FNBP1: variants seen among roughly 807,000 people sequenced by gnomAD.
FNBP1 encodes the protein formin-binding protein 1.
In FNBP1, 26 loss-of-function variants were observed where a neutral mutation model predicts 90.6. That is an observed-to-expected ratio of 0.29 (90% CI 0.21 to 0.40). FNBP1 has a LOEUF of 0.40. Among genes scored for constraint, FNBP1 ranks in the 10% least tolerant of loss-of-function variants. FNBP1 has a pLI of 1.00. For missense variants in FNBP1, 635 were observed against 768.0 expected, an observed-to-expected ratio of 0.83 and a Z score of 2.05; for synonymous variants, 260 against 265.2, an observed-to-expected ratio of 0.98 and a Z score of 0.19.
intron 4 of FNBP1, among the ~76,000 whole-genome samples, chr9:129,974,523 C>T (rs1424135501): frequency 6.6e-6 from 1 of 152,174 alleles, no homozygotes; most frequent in Non-Finnish European, 1.5e-5. Context: ...AATGCTAATT[C>T]ATCATTTACT....
chr9:130,011,816 T>C (rs2056643146), intron 1 of FNBP1, among the ~76,000 whole-genome samples: 1 of 152,216 alleles, frequency 6.6e-6, no homozygotes, highest in Non-Finnish European at 1.5e-5. Context: ...TGGAAGGCCA[T>C]ATATTATAGA....
At chr9:129,917,438 T>A (rs1225712553) in intron 10 of FNBP1, among the ~76,000 whole-genome samples, 2 of 151,986 alleles carry the variant, frequency 1.3e-5, no homozygotes, top group Non-Finnish European at 2.9e-5. Flanking sequence ...GCTCAAATGA[T>A]CCTCGCACCT....
chr9:129,900,388 C>A lies in FNBP1; in HGVS notation c.1550+38G>T. The A allele has an allele frequency of 6.7e-7, 1 of 1,491,952 alleles. No individual in the cohort carries two copies. Among genetic ancestry groups the A allele is most frequent in the Non-Finnish European group, 8.9e-7 (1 of 1,121,466 alleles). 92.4% of individuals were successfully genotyped at this position (1,491,952 alleles called of 1,614,324 possible). A position where few individuals can be genotyped will look rare whatever the true frequency, so the allele number is the denominator to read the frequency against. ...TAGAAATAAATACAAAGCCAACAGG[C>A]TCCCTTGCCAGAGGCAGGCGCTGTG... On this transcript the variant is annotated intron_variant, in intron 14 of 16. Transcript: ENST00000446176. The surrounding 1 kb of genome is among the most constrained non-coding windows in gnomAD (Gnocchi z 4.1).
At chr9:130,012,130 T>C (rs921191977) in intron 1 of FNBP1, among the ~76,000 whole-genome samples, 1 of 152,210 alleles carries the variant, frequency 6.6e-6, no homozygotes, top group African/African-American at 2.4e-5. Flanking sequence ...GATGTAGCCA[T>C]GTAGAAAAGA....
chr9:129,987,689 C>T (rs559499676), intron 2 of FNBP1, among the ~76,000 whole-genome samples: 54 of 151,914 alleles, frequency 3.6e-4, no homozygotes, highest in Middle Eastern at 3.4e-3. Context: ...AGTAGAGAGA[C>T]GGGGTTTCAC....
intron 4 of FNBP1, among the ~76,000 whole-genome samples, chr9:129,967,439 C>T (rs561288281): frequency 2.0e-5 from 3 of 152,184 alleles, no homozygotes; most frequent in African/African-American, 7.2e-5. Flanking sequence ...TGGCTTGAAC[C>T]GGGAGGCGGA....
intron 16 of FNBP1, chr9:129,895,260 C>A (rs997273379): frequency 5.2e-5 from 55 of 1,056,990 alleles, no homozygotes; most frequent in Admixed American, 1.1e-4. Context: ...AAAACACACA[C>A]TTTTGGTGCC....
chr9:129,957,960 C>T lies in FNBP1; in HGVS notation c.409-496G>A, dbSNP rs965367592. 9.9e-5 allele frequency among the ~76,000 whole-genome samples: 15 copies of T among 152,088 alleles called. No individual in the cohort carries two copies. Among genetic ancestry groups the T allele is most frequent in the African/African-American group, 2.2e-4 (9 of 41,422 alleles). On this transcript the variant is annotated intron_variant, in intron 5 of 16. Transcript: ENST00000446176. The surrounding 1 kb of genome is among the most constrained non-coding windows in gnomAD (Gnocchi z 4.3). ...AACTGTCTAATCTTTATTATTTCCACGTGACTTTTAGAAAAATACTCAACT... is the reference window on the plus strand; with the variant it reads ...AACTGTCTAATCTTTATTATTTCCATGTGACTTTTAGAAAAATACTCAACT...
chr9:129,953,280 G>GT (rs1186667012), intron 6 of FNBP1, among the ~76,000 whole-genome samples: 3 of 152,080 alleles, frequency 2.0e-5, no homozygotes, highest in Non-Finnish European at 4.4e-5. Flanking sequence ...CAGGTCAGGA[G>GT]TTTGAGACCA....
chr9:129,940,731 A>C (rs2044199996), intron 6 of FNBP1, among the ~76,000 whole-genome samples: 1 of 151,956 alleles, frequency 6.6e-6, no homozygotes, highest in Admixed American at 6.6e-5. Context: ...GGTTCAAGCG[A>C]TTCTCCTGCC....
intron 4 of FNBP1, among the ~76,000 whole-genome samples, chr9:129,977,512 G>A (rs9299327): frequency 0.97 from 145,457 of 150,042 alleles, 70,673 homozygotes; most frequent in East Asian, 1. Flanking sequence ...TCTTTTTGAG[G>A]TGGAGTTTTG....
chr9:130,011,321 GAAAC>G (rs1311581601), intron 1 of FNBP1, among the ~76,000 whole-genome samples: 10 of 127,464 alleles, frequency 7.8e-5, no homozygotes, highest in African/African-American at 2.6e-4. Context: ...CAAGTAGACA[GAAAC>G]AAACATAATA....
intron 3 of FNBP1, 125 bp downstream of exon 3, chr9:129,979,192 AT>A: frequency 1.7e-6 from 1 of 585,948 alleles, no homozygotes; most frequent in South Asian, 2.6e-5. Flanking sequence ...CTCTCCTCCA[AT>A]TTAAAAACTG....
rs868352818 is a variant in FNBP1, at chr9:129,900,392, C to T, written c.1550+34G>A. 6.7e-7 allele frequency: 1 copy of T among 1,498,722 alleles called. No homozygotes were observed. The highest frequency in any genetic ancestry group is 8.9e-7 in the Non-Finnish European group (1 of 1,125,124). The allele number at this position is 1,498,722 out of a possible 1,614,324, so 92.8% of individuals were successfully genotyped here. A position where few individuals can be genotyped will look rare whatever the true frequency, so the allele number is the denominator to read the frequency against. On this transcript the variant is annotated intron_variant, in intron 14 of 16. Coordinates refer to ENST00000446176, the MANE Select transcript of FNBP1 (RefSeq NM_015033.3). The surrounding 1 kb of genome is among the most constrained non-coding windows in gnomAD (Gnocchi z 4.1). ...AATAAATACAAAGCCAACAGGCTCC[C>T]TTGCCAGAGGCAGGCGCTGTGCAGA...
chr9:130,005,572 A>G (rs2055575755), intron 1 of FNBP1, among the ~76,000 whole-genome samples: 1 of 152,032 alleles, frequency 6.6e-6, no homozygotes, highest in Non-Finnish European at 1.5e-5. Flanking sequence ...TGATCTCCCG[A>G]CCTTGTGATC....
At chr9:129,958,709 G>A (rs1408605102) in intron 4 of FNBP1, among the ~76,000 whole-genome samples, 156 bp from the exon 5 acceptor site, 3 of 151,330 alleles carry the variant, frequency 2.0e-5, no homozygotes, top group Non-Finnish European at 2.9e-5. Flanking sequence ...AGCCGGGTGC[G>A]GTGGCTCACA....
intron 1 of FNBP1, among the ~76,000 whole-genome samples, chr9:130,022,823 G>A (rs1405745372): frequency 2.0e-5 from 3 of 151,802 alleles, no homozygotes; most frequent in East Asian, 1.9e-4. Flanking sequence ...ACAGGTGTGC[G>A]TTAGCACGCC....
chr9:130,045,959 A>T (rs191861129), upstream of FNBP1, among the ~76,000 whole-genome samples: 1 of 152,196 alleles, frequency 6.6e-6, no homozygotes, highest in Admixed American at 6.5e-5. Flanking sequence ...GGTACTCTAA[A>T]CTCTATGTAA....
In FNBP1 at chr9:129,951,075, G is replaced by A. The variant is rs142985261; in HGVS notation, c.513+6285C>T. Reference sequence around the variant, plus strand: ...CAACCTCCACCTCCTGGGTTCAAGCGATTCTCGAGTAGCTGGGATTACAGG... The same window carrying A: ...CAACCTCCACCTCCTGGGTTCAAGCAATTCTCGAGTAGCTGGGATTACAGG... On this transcript the variant is annotated intron_variant, in intron 6 of 16. Coordinates refer to ENST00000446176, the MANE Select transcript of FNBP1 (RefSeq NM_015033.3). 3.9e-4 allele frequency among the ~76,000 whole-genome samples: 59 copies of A among 149,916 alleles called. No homozygotes were observed. In the East Asian group the frequency reaches 0.011, roughly 28 times the overall value.
Sources: allele counts gnomAD v4.1 joint callset (sites outside exome capture counted in the v4.1 genomes callset), GRCh38; gene constraint gnomAD v4.1.1; non-coding constraint Gnocchi (gnomAD v3.1); transcripts MANE v1.5; gene names NCBI Gene and HGNC (gene_info 2026-07-23, HGNC 2026-07-21).